Variants in EXOC4 observed in about 807,000 individuals in gnomAD.
EXOC4 encodes exocyst complex component 4, also known as SEC8-like 1.
Under a neutral mutation model 107.2 loss-of-function variants are expected in EXOC4, and 71 were observed. The observed-to-expected ratio is 0.66, with a 90% CI of 0.55 to 0.81. The LOEUF is 0.81. Among genes scored for constraint, EXOC4 ranks in the 30% least tolerant of loss-of-function variants. The probability of loss-of-function intolerance (pLI) is 0.00; values close to 1 mark genes in which losing one functional copy is unlikely to be tolerated. For missense variants in EXOC4, 1,108 were observed against 1,189.6 expected (o/e 0.93, Z 1.01); for synonymous variants, 456 against 441.2 (o/e 1.03, Z -0.42).
chr7:134,051,141 C>T (rs1795777107), intron 17 of EXOC4, among the ~76,000 whole-genome samples: 1 of 152,120 alleles, frequency 6.6e-6, no homozygotes, highest in Non-Finnish European at 1.5e-5. Context: ...CTGACAAGGG[C>T]AGCTGATAGA....
chr7:133,972,195 G>A (rs1168219007), intron 14 of EXOC4, among the ~76,000 whole-genome samples: 1 of 152,134 alleles, frequency 6.6e-6, no homozygotes, highest in Non-Finnish European at 1.5e-5. Context: ...TGAGAGAGCT[G>A]GGATATTAAC....
intron 17 of EXOC4, among the ~76,000 whole-genome samples, chr7:134,045,725 C>T (rs1461986822): frequency 6.6e-6 from 1 of 152,100 alleles, no homozygotes; most frequent in East Asian, 1.9e-4. Context: ...AGTTTTGGAA[C>T]ATTTTCATCA....
chr7:133,785,510 CAAAA>C (rs1267830260), intron 10 of EXOC4, among the ~76,000 whole-genome samples: 3 of 152,088 alleles, frequency 2.0e-5, no homozygotes, highest in Non-Finnish European at 4.4e-5. Context: ...GTGACTTGGA[CAAAA>C]ACTACCACAT....
chr7:134,000,181 G>A (rs1196473783), intron 15 of EXOC4, among the ~76,000 whole-genome samples: 3 of 152,110 alleles, frequency 2.0e-5, no homozygotes, highest in Non-Finnish European at 4.4e-5. Context: ...TCCTTTTAAA[G>A]TAAGGTAGAT....
chr7:134,089,276 A>G, the EXOC4 span, among the ~76,000 whole-genome samples: 1 of 152,218 alleles, frequency 6.6e-6, no homozygotes. Context: ...TTAACACTTT[A>G]GGCATAAAAA....
intron 2 of EXOC4, among the ~76,000 whole-genome samples, chr7:133,284,538 T>G (rs1318115829): frequency 6.6e-6 from 1 of 152,208 alleles, no homozygotes; most frequent in Non-Finnish European, 1.5e-5. Context: ...TTATTTTATT[T>G]TATTTTTTTG....
chr7:133,561,466 GA>G (rs1276427745), intron 9 of EXOC4, among the ~76,000 whole-genome samples: 9 of 152,270 alleles, frequency 5.9e-5, no homozygotes, highest in African/African-American at 2.2e-4. Flanking sequence ...ATACAGTGCG[GA>G]AAAGGTCCTG....
chr7:134,068,028 G>T (rs1322889510), downstream of EXOC4, among the ~76,000 whole-genome samples: 1 of 152,080 alleles, frequency 6.6e-6, no homozygotes, highest in East Asian at 1.9e-4. Flanking sequence ...CTGCTTCCAG[G>T]CTCTGAAAGA....
intron 14 of EXOC4, among the ~76,000 whole-genome samples, chr7:133,980,273 A>G (rs779828834): frequency 6.6e-6 from 1 of 152,178 alleles, no homozygotes; most frequent in Non-Finnish European, 1.5e-5. Flanking sequence ...GATTTCTTGC[A>G]AGGTTTTTCG....
At chr7:133,498,404 T>G (rs570433168) in intron 9 of EXOC4, among the ~76,000 whole-genome samples, 1 of 152,210 alleles carries the variant, frequency 6.6e-6, no homozygotes, top group Non-Finnish European at 1.5e-5. Flanking sequence ...GCTAACACGG[T>G]GAAACCCCGT....
chr7:133,508,834 G>C (rs182085405), intron 9 of EXOC4, among the ~76,000 whole-genome samples: 1 of 152,246 alleles, frequency 6.6e-6, no homozygotes, highest in East Asian at 1.9e-4. Flanking sequence ...TGATTAGTCA[G>C]TTTAGATTCT....
At chr7:134,044,604 G>A (rs916624692) in intron 17 of EXOC4, among the ~76,000 whole-genome samples, 1 of 151,054 alleles carries the variant, frequency 6.6e-6, no homozygotes, top group South Asian at 2.1e-4. Context: ...CCATTACCAC[G>A]CATAAAGATC....
intron 10 of EXOC4, among the ~76,000 whole-genome samples, chr7:133,790,098 A>C (rs1472886751): frequency 6.6e-6 from 1 of 152,344 alleles, no homozygotes; most frequent in East Asian, 1.9e-4. Flanking sequence ...AACTAACAGA[A>C]CCTGATCTTC....
intron 11 of EXOC4, among the ~76,000 whole-genome samples, chr7:133,840,326 TA>T (rs944147656): frequency 7.2e-5 from 11 of 152,066 alleles, no homozygotes; most frequent in African/African-American, 2.2e-4. Context: ...CAGGCAAAAT[TA>T]AGCTATATAG....
intron 10 of EXOC4, among the ~76,000 whole-genome samples, chr7:133,729,569 C>A (rs1191207674): frequency 6.6e-6 from 1 of 152,084 alleles, no homozygotes; most frequent in African/African-American, 2.4e-5. Context: ...GAAAAGGCCT[C>A]ATTGTGCCTC....
At chr7:133,963,880 G>A (rs1487151007) in intron 14 of EXOC4, among the ~76,000 whole-genome samples, 1 of 152,138 alleles carries the variant, frequency 6.6e-6, no homozygotes, top group Non-Finnish European at 1.5e-5. Context: ...TTAAATTAAT[G>A]CAGAGGCTTC....
At chr7:133,590,427 C>T (rs1226083562) in intron 9 of EXOC4, among the ~76,000 whole-genome samples, 1 of 152,104 alleles carries the variant, frequency 6.6e-6, no homozygotes, top group Non-Finnish European at 1.5e-5. Context: ...CTGGCAAAGG[C>T]TCCACCCTCA....
intron 10 of EXOC4, among the ~76,000 whole-genome samples, chr7:133,816,921 C>T (rs1002561152): frequency 3.3e-5 from 5 of 152,058 alleles, no homozygotes; most frequent in African/African-American, 9.7e-5. Flanking sequence ...ACTGGTTCAT[C>T]GCCCGGTGTG....
chr7:133,352,294 C>T (rs1291972445), intron 5 of EXOC4, among the ~76,000 whole-genome samples: 6 of 151,778 alleles, frequency 4.0e-5, no homozygotes, highest in East Asian at 1.9e-4. Flanking sequence ...TGTAGAACTG[C>T]GTATTTCTGC....
Sources: allele counts gnomAD v4.1 joint callset (sites outside exome capture counted in the v4.1 genomes callset), GRCh38; gene constraint gnomAD v4.1.1; transcripts MANE v1.5; gene names NCBI Gene and HGNC (gene_info 2026-07-23, HGNC 2026-07-21).